The following GRXCR1 variants were observed in gnomAD, a reference collection of about 807,000 sequenced individuals.
The protein encoded by GRXCR1 is glutaredoxin and cysteine rich domain containing 1, also known as glutaredoxin domain-containing cysteine-rich protein 1.
A neutral mutation model predicts 27.3 loss-of-function variants in GRXCR1; 27 were observed. The ratio of observed to expected loss-of-function variants is 0.99; its 90% confidence interval spans 0.73 to 1.37. The LOEUF is 1.37. GRXCR1 is among the 40% of genes most tolerant of loss of function. The pLI is 0.00. For missense variants in GRXCR1, 379 were observed against 354.4 expected, an observed-to-expected ratio of 1.07 and a Z score of -0.56; for synonymous variants, 122 against 131.1, an observed-to-expected ratio of 0.93 and a Z score of 0.47.
intron 2 of GRXCR1, among the ~76,000 whole-genome samples, chr4:42,975,800 T>C (rs1361738716): frequency 6.6e-6 from 1 of 152,166 alleles, no homozygotes; most frequent in Non-Finnish European, 1.5e-5. Context: ...AATGCAGAAG[T>C]ACTACAACCA....
chr4:42,924,773 T>C (rs1309310164), intron 1 of GRXCR1, among the ~76,000 whole-genome samples: 1 of 151,984 alleles, frequency 6.6e-6, no homozygotes, highest in Non-Finnish European at 1.5e-5. Context: ...CAAGTCATGA[T>C]AAATGCTCTG....
chr4:42,971,189 A>C (rs1239183386), intron 2 of GRXCR1, among the ~76,000 whole-genome samples: 1 of 152,088 alleles, frequency 6.6e-6, no homozygotes, highest in Non-Finnish European at 1.5e-5. Context: ...ATCACTATCA[A>C]CATTTTGGTC....
At chr4:42,962,523 G>A (rs1748148521) in intron 1 of GRXCR1, among the ~76,000 whole-genome samples, 1 of 151,838 alleles carries the variant, frequency 6.6e-6, no homozygotes, top group Non-Finnish European at 1.5e-5. Flanking sequence ...CTATTCTGTG[G>A]CATAAACTTT....
chr4:42,977,335 G>A (rs779739423), intron 2 of GRXCR1, among the ~76,000 whole-genome samples: 1 of 151,910 alleles, frequency 6.6e-6, no homozygotes, highest in Non-Finnish European at 1.5e-5. Flanking sequence ...TATATACCCA[G>A]TAGTGAGATT....
intron 1 of GRXCR1, among the ~76,000 whole-genome samples, chr4:42,939,626 G>T (rs977323272): frequency 6.6e-6 from 1 of 151,930 alleles, no homozygotes; most frequent in Non-Finnish European, 1.5e-5. Context: ...TTTTTGTCTT[G>T]CCTCCTAACT....
chr4:42,917,696 G>T lies in GRXCR1; in HGVS notation c.384+24046G>T, dbSNP rs1325377150. On this transcript the variant is annotated intron_variant, in intron 1 of 3. Coordinates refer to ENST00000399770, the MANE Select transcript of GRXCR1 (RefSeq NM_001080476.3). Reference sequence around the variant, plus strand: ...AATAAATTTTACTGGAAAAGAAGCTGCCCTGGCAGAAAGGCTACCTTAGTA... The same window carrying T: ...AATAAATTTTACTGGAAAAGAAGCTTCCCTGGCAGAAAGGCTACCTTAGTA... 2.6e-5 allele frequency among the ~76,000 whole-genome samples: 4 copies of T among 152,272 alleles called. No individual in the cohort carries two copies. The East Asian group carries it at 7.7e-4, about 29-fold the overall frequency.
In GRXCR1 at chr4:43,001,946, C is replaced by T. The variant is rs545029856; in HGVS notation, c.628-18408C>T. The stretch of plus-strand genomic sequence containing the variant: ...TTAAGTTCAAGGGAAGATACTATGC[C>T]TAGATGTGCATGTGGGCCAGATTTA... On this transcript the variant is annotated intron_variant, in intron 2 of 3. Coordinates refer to ENST00000399770, the MANE Select transcript of GRXCR1 (RefSeq NM_001080476.3). Among the ~76,000 whole-genome samples, 5 of 152,358 alleles carry T rather than the reference C, an allele frequency of 3.3e-5. No individual in the cohort carries two copies. In the South Asian group the frequency reaches 1.0e-3, roughly 32 times the overall value.
At position 42,926,229 on chromosome 4, in the gene GRXCR1, T is replaced by A. The variant is rs180811050; in HGVS notation, c.384+32579T>A. The stretch of plus-strand genomic sequence containing the variant: ...GTTCTAAGAGACAAGCTTATTGTGA[T>A]GTTCCTTTCATTCTTTTTTTTCTTT... On this transcript the variant is annotated intron_variant, in intron 1 of 3. Transcript: ENST00000399770. Among the ~76,000 whole-genome samples the A allele has an allele frequency of 2.9e-3, 438 of 152,174 alleles. 1 individual carries two copies. Among genetic ancestry groups the A allele is most frequent in the Non-Finnish European group, 5.3e-3 (357 of 67,956 alleles).
At chr4:42,978,577 T>C (rs1248025109) in intron 2 of GRXCR1, among the ~76,000 whole-genome samples, 1 of 152,212 alleles carries the variant, frequency 6.6e-6, no homozygotes, top group East Asian at 1.9e-4. Flanking sequence ...GAGATTGTTT[T>C]CTTGATTTCT....
chr4:42,921,534 T>A (rs1016841740), intron 1 of GRXCR1, among the ~76,000 whole-genome samples: 1 of 151,970 alleles, frequency 6.6e-6, no homozygotes, highest in African/African-American at 2.4e-5. Context: ...ATGGGCAGAG[T>A]ATGGGGTACA....
chr4:42,948,487 A>C lies in GRXCR1; in HGVS notation c.385-14405A>C, dbSNP rs529064732. Among the ~76,000 whole-genome samples, 4 of 152,236 alleles carry C rather than the reference A, an allele frequency of 2.6e-5. No homozygotes were observed. In the South Asian group the frequency reaches 8.3e-4, roughly 32 times the overall value. ...AGAATTACCATCAGATTGTGTTTCTAGAGCAAGTTGATAAGCACGAGGAAG... is the reference window on the plus strand; with the variant it reads ...AGAATTACCATCAGATTGTGTTTCTCGAGCAAGTTGATAAGCACGAGGAAG... On this transcript the variant is annotated intron_variant, in intron 1 of 3. Transcript: ENST00000399770.
At chr4:42,950,847 G>A (rs1056037550) in intron 1 of GRXCR1, among the ~76,000 whole-genome samples, 37 of 151,954 alleles carry the variant, frequency 2.4e-4, no homozygotes, top group Non-Finnish European at 7.4e-5. Flanking sequence ...AACCAATATA[G>A]TATCTATATT....
intron 1 of GRXCR1, among the ~76,000 whole-genome samples, chr4:42,908,646 G>A (rs547324702): frequency 6.6e-6 from 1 of 152,320 alleles, no homozygotes; most frequent in South Asian, 2.1e-4. Flanking sequence ...AACCTGAAGA[G>A]GGATGGGGGA....
At chr4:42,957,635 C>T (rs933322045) in intron 1 of GRXCR1, among the ~76,000 whole-genome samples, 5 of 151,674 alleles carry the variant, frequency 3.3e-5, no homozygotes, top group Admixed American at 2.6e-4. Context: ...TCTTTTGACT[C>T]CTCTGACTAT....
At chr4:42,943,877 T>C (rs28640193) in intron 1 of GRXCR1, among the ~76,000 whole-genome samples, 1,923 of 152,154 alleles carry the variant, frequency 0.013, 47 homozygotes, top group African/African-American at 0.044. Context: ...ATGCCATGTA[T>C]ACCTCTAAAC....
chr4:42,990,982 A>G (rs10014260), intron 2 of GRXCR1, among the ~76,000 whole-genome samples: 2,364 of 152,154 alleles, frequency 0.016, 71 homozygotes, highest in African/African-American at 0.054. Context: ...GTTTTTATCA[A>G]TTTGTCTTCA....
intron 2 of GRXCR1, among the ~76,000 whole-genome samples, chr4:42,965,198 T>C (rs1271361593): frequency 6.6e-6 from 1 of 151,998 alleles, no homozygotes; most frequent in Non-Finnish European, 1.5e-5. Context: ...CATGCTTCTT[T>C]CCCAGTTGCT....
At chr4:42,904,227 G>T (rs1746533219) in intron 1 of GRXCR1, among the ~76,000 whole-genome samples, 2 of 152,144 alleles carry the variant, frequency 1.3e-5, no homozygotes, top group South Asian at 4.1e-4. Context: ...GATGCTGCAG[G>T]CAGTGCCCAA....
chr4:42,895,479 G>T (rs1032661038), intron 1 of GRXCR1, among the ~76,000 whole-genome samples: 1 of 151,966 alleles, frequency 6.6e-6, no homozygotes, highest in Admixed American at 6.6e-5. Context: ...ACAAATTTTG[G>T]TCATTATCTT....
Sources: allele counts gnomAD v4.1 joint callset (sites outside exome capture counted in the v4.1 genomes callset), GRCh38; gene constraint gnomAD v4.1.1; transcripts MANE v1.5; gene names NCBI Gene and HGNC (gene_info 2026-07-23, HGNC 2026-07-21).